AK9: variants seen among roughly 807,000 people sequenced by gnomAD.
AK9 encodes the protein adenylate kinase domain containing 1.
A neutral mutation model predicts 239.6 loss-of-function variants in AK9; 191 were observed. That is an observed-to-expected ratio of 0.80 (90% CI 0.71 to 0.90). The LOEUF (loss-of-function observed/expected upper bound fraction) is 0.90, where lower values mean the gene tolerates loss of function less well. Among genes scored for constraint, AK9 ranks in the 40% least tolerant of loss-of-function variants. The probability of loss-of-function intolerance (pLI) is 0.00; values close to 1 mark genes in which losing one functional copy is unlikely to be tolerated. For synonymous variants in AK9, 689 were observed against 721.0 expected (o/e 0.96, Z 0.71); for missense variants, 1,995 against 2,214.7 (o/e 0.90, Z 1.99).
At chr6:109,569,755 G>A (rs1787141997) in intron 21 of AK9, among the ~76,000 whole-genome samples, 1 of 152,120 alleles carries the variant, frequency 6.6e-6, no homozygotes, top group Admixed American at 6.5e-5. Flanking sequence ...AGTTAGAATG[G>A]CAATCATTAA....
intron 8 of AK9, 93 bp downstream of exon 8, chr6:109,656,663 T>G (rs1482085302): frequency 7.3e-7 from 1 of 1,361,028 alleles, no homozygotes; most frequent in East Asian, 2.4e-5. Flanking sequence ...AGACAGATAA[T>G]AACACATGGG....
intron 1 of AK9, among the ~76,000 whole-genome samples, chr6:109,687,600 T>C (rs1312015499): frequency 6.6e-6 from 1 of 152,162 alleles, no homozygotes; most frequent in Non-Finnish European, 1.5e-5. Context: ...AACAGTGACC[T>C]CAGTCCTACA....
At chr6:109,552,217 C>T (rs900445419) in intron 24 of AK9, among the ~76,000 whole-genome samples, 3 of 150,224 alleles carry the variant, frequency 2.0e-5, no homozygotes, top group Non-Finnish European at 3.0e-5. Context: ...ACACAATAAA[C>T]ATAGTGCTAA....
At chr6:109,593,860 T>G (rs1223023091) in intron 17 of AK9, among the ~76,000 whole-genome samples, 1 of 152,180 alleles carries the variant, frequency 6.6e-6, no homozygotes, top group Non-Finnish European at 1.5e-5. Flanking sequence ...TGATGGAACA[T>G]ATCTCAAAAT....
At position 109,633,307 on chromosome 6, in the gene AK9, G is replaced by A. The variant is rs781642444; in HGVS notation, c.950C>T (p.Thr317Ile). 4.4e-6 allele frequency: 7 copies of A among 1,601,358 alleles called. No homozygotes were observed. The highest frequency in any genetic ancestry group is 2.3e-5 in the South Asian group (2 of 87,734). Residue 317 changes from threonine (T) to isoleucine (I), a missense_variant, in exon 11 of 41, where the codon ACT (threonine) becomes ATT (isoleucine). Around this residue, in one of 5 missense-constraint regions of AK9, gnomAD observed 1,290 missense variants for 1,392.7 expected, o/e 0.93. Transcript: ENST00000424296. ...TGCAATAAGTTTATAAGATGCAAGA[G>A]TACGAAATAGCTCATCCTGTGAATT... ...DTMENDELFR[T>I]LASYKLIAPR...
chr6:109,528,729 CT>C (rs1479852812), intron 29 of AK9: 2 of 523,604 alleles, frequency 3.8e-6, no homozygotes, highest in Non-Finnish European at 3.7e-6. Context: ...TGATATTCCT[CT>C]TTTTCTCTTC....
intron 1 of AK9, among the ~76,000 whole-genome samples, chr6:109,678,858 G>A (rs1412535342): frequency 1.3e-5 from 2 of 152,132 alleles, no homozygotes; most frequent in Non-Finnish European, 2.9e-5. Flanking sequence ...CAAGGGGTCG[G>A]GGAACTCCCT....
In AK9 at chr6:109,636,750, T is replaced by TCACACACACACACACACACACACACA. The variant is rs57475668; in HGVS notation, c.934-3453_934-3428dup. 3.5e-4 allele frequency among the ~76,000 whole-genome samples: 48 copies of TCACACACACACACACACACACACACA among 135,566 alleles called. No individual in the cohort carries two copies. The East Asian group carries it at 5.5e-3, about 15-fold the overall frequency. 88.9% of individuals were successfully genotyped at this position (135,566 alleles called of 152,430 possible). A position where few individuals can be genotyped will look rare whatever the true frequency, so the allele number is the denominator to read the frequency against. On this transcript the variant is annotated intron_variant, in intron 10 of 40. Transcript: ENST00000424296. Reference sequence around the variant, plus strand: ...CTCTTTAAGGTTGAATAATATTCCATCACACACACACACACACACACACAC... The same window carrying TCACACACACACACACACACACACACA: ...CTCTTTAAGGTTGAATAATATTCCATCACACACACACACACACACACACACACACACACACACACACACACACACAC...
intron 5 of AK9, among the ~76,000 whole-genome samples, chr6:109,671,354 CTTTTT>C (rs1770854849): frequency 6.6e-6 from 1 of 152,114 alleles, no homozygotes; most frequent in Non-Finnish European, 1.5e-5. Flanking sequence ...TTGCTCTTTT[CTTTTT>C]AATCATTTTG....
chr6:109,580,777 C>T (rs1373975376), intron 19 of AK9, among the ~76,000 whole-genome samples: 6 of 152,124 alleles, frequency 3.9e-5, no homozygotes, highest in Non-Finnish European at 7.4e-5. Context: ...GTGACTCAGC[C>T]CTCTGAGGCT....
intron 21 of AK9, among the ~76,000 whole-genome samples, chr6:109,572,729 G>A (rs200018852): frequency 6.6e-6 from 1 of 152,134 alleles, no homozygotes; most frequent in East Asian, 1.9e-4. Flanking sequence ...CTAGCATCCA[G>A]TTACAGGTAT....
chr6:109,542,985 A>AT (rs1160681452), intron 26 of AK9, among the ~76,000 whole-genome samples: 2 of 152,122 alleles, frequency 1.3e-5, no homozygotes, highest in Admixed American at 6.6e-5. Context: ...GGCTTAACTG[A>AT]TTTTTGTTAT....
chr6:109,531,798 C>G (rs1308183052), intron 28 of AK9, among the ~76,000 whole-genome samples: 1 of 152,132 alleles, frequency 6.6e-6, no homozygotes. Flanking sequence ...GACAGTTTGG[C>G]CTGAACGTCA....
intron 1 of AK9, among the ~76,000 whole-genome samples, chr6:109,684,912 A>AAAAAAAAAAAAAG (rs1183838812): frequency 7.3e-6 from 1 of 136,496 alleles, no homozygotes; most frequent in Non-Finnish European, 1.6e-5. Flanking sequence ...AAAAAAAAAA[A>AAAAAAAAAAAAAG]GTAGGCAAAG....
At chr6:109,601,838 C>CTTCT (rs79551333) in intron 17 of AK9, among the ~76,000 whole-genome samples, 152,123 of 152,324 alleles carry the variant, frequency 1, 75,963 homozygotes, top group Middle Eastern at 1. Flanking sequence ...ATGCAATGAC[C>CTTCT]TTGTCTCTTT....
intron 30 of AK9, 130 bp downstream of exon 30, chr6:109,516,300 C>T (rs781371275): frequency 5.3e-5 from 48 of 913,894 alleles, no homozygotes; most frequent in Admixed American, 8.5e-5. Flanking sequence ...TAAATGATAC[C>T]GATAAAAGGA....
intron 20 of AK9, among the ~76,000 whole-genome samples, chr6:109,574,250 C>T (rs970018006): frequency 1.3e-5 from 2 of 152,036 alleles, no homozygotes; most frequent in African/African-American, 4.8e-5. Context: ...TGGCACACAC[C>T]TGTAGCCCCA....
chr6:109,688,495 G>T (rs748219691), intron 1 of AK9, among the ~76,000 whole-genome samples: 25 of 152,180 alleles, frequency 1.6e-4, no homozygotes, highest in Non-Finnish European at 3.4e-4. Context: ...AGAAGCTACT[G>T]GTTTGACAGA....
chr6:109,662,683 T>C lies in AK9; in HGVS notation c.332-20A>G. ...TATAACCTGTAAAGTAAAATATAAT[T>C]TTAAAACTTTTATAAAATTATCAAC... On this transcript the variant is annotated intron_variant, in intron 5 of 40. Coordinates refer to ENST00000424296, the MANE Select transcript of AK9 (RefSeq NM_001145128.3). The C allele has an allele frequency of 7.4e-7, 1 of 1,346,994 alleles. No homozygotes were observed. The highest frequency in any genetic ancestry group is 9.8e-7 in the Non-Finnish European group (1 of 1,017,724). The allele number at this position is 1,346,994 out of a possible 1,614,324, so 83.4% of individuals were successfully genotyped here. A position where few individuals can be genotyped will look rare whatever the true frequency, so the allele number is the denominator to read the frequency against.
Sources: gnomAD v4.1 joint callset for allele counts (sites outside exome capture counted in the v4.1 genomes callset) on GRCh38, gnomAD v4.1.1 for gene constraint, gnomAD v4.1.1 regional missense constraint, MANE v1.5 for transcripts, NCBI Gene and HGNC (gene_info 2026-07-23, HGNC 2026-07-21) for gene names.